REC114: variants seen among roughly 807,000 people sequenced by gnomAD.
REC114 encodes the protein REC114 meiotic recombination protein.
REC114 carries 27 observed loss-of-function variants against 31.3 expected under a neutral mutation model. That is an observed-to-expected ratio of 0.86 (90% CI 0.64 to 1.19). The LOEUF is 1.19. Ranked by LOEUF, REC114 falls within the 50% of genes most tolerant of loss-of-function variation. The pLI is 0.00. For synonymous variants in REC114, 134 were observed against 127.7 expected (o/e 1.05, Z -0.33); for missense variants, 344 against 326.9 (o/e 1.05, Z -0.40).
At chr15:73,501,032 TG>T (rs1475402952) in intron 2 of REC114, among the ~76,000 whole-genome samples, 2 of 152,128 alleles carry the variant, frequency 1.3e-5, no homozygotes, top group Non-Finnish European at 2.9e-5. Context: ...TCAAAGGCCT[TG>T]TTTGGGAAGG....
intron 2 of REC114, among the ~76,000 whole-genome samples, chr15:73,510,889 T>C (rs1893754397): frequency 6.6e-6 from 1 of 152,198 alleles, no homozygotes. Flanking sequence ...ATCAAAGATA[T>C]TGGTCTAAAA....
chr15:73,558,085 T>G (rs1894498016), intron 5 of REC114, among the ~76,000 whole-genome samples: 1 of 152,122 alleles, frequency 6.6e-6, no homozygotes, highest in Non-Finnish European at 1.5e-5. Flanking sequence ...ACACCTGTAG[T>G]CCCAAGCACT....
intron 2 of REC114, among the ~76,000 whole-genome samples, chr15:73,538,622 A>C (rs1410330174): frequency 6.6e-6 from 1 of 151,646 alleles, no homozygotes; most frequent in African/African-American, 2.4e-5. Context: ...GCACCCAGCT[A>C]ATTTTTTGTA....
chr15:73,510,136 TCTC>T (rs1277685312), intron 2 of REC114, among the ~76,000 whole-genome samples: 3 of 152,050 alleles, frequency 2.0e-5, no homozygotes. Flanking sequence ...GGTTTGTAGT[TCTC>T]CTTGAAGAGG....
intron 3 of REC114, among the ~76,000 whole-genome samples, chr15:73,544,803 G>GA (rs1020512835): frequency 2.0e-5 from 3 of 152,314 alleles, no homozygotes; most frequent in African/African-American, 7.2e-5. Context: ...TATAGTAGAG[G>GA]AATTCACAAT....
chr15:73,467,997 CTCTT>C (rs1349453605), intron 1 of REC114, among the ~76,000 whole-genome samples: 2 of 152,068 alleles, frequency 1.3e-5, no homozygotes, highest in African/African-American at 2.4e-5. Flanking sequence ...TTCCTTCTGA[CTCTT>C]TCTGCCTCCC....
intron 2 of REC114, among the ~76,000 whole-genome samples, chr15:73,528,365 A>G (rs1894033502): frequency 6.6e-6 from 1 of 152,230 alleles, no homozygotes; most frequent in Non-Finnish European, 1.5e-5. Flanking sequence ...TGTACCTACT[A>G]TGGAATCGAA....
chr15:73,460,823 C>G (rs1892979646), intron 1 of REC114, among the ~76,000 whole-genome samples: 1 of 152,092 alleles, frequency 6.6e-6, no homozygotes, highest in African/African-American at 2.4e-5. Flanking sequence ...GGAACTTATT[C>G]TTCTGTTACA....
At chr15:73,540,344 A>T (rs536585595) in intron 2 of REC114, 141 bp from the exon 3 acceptor site, 2 of 716,746 alleles carry the variant, frequency 2.8e-6, no homozygotes, top group East Asian at 5.0e-5. Flanking sequence ...ATCCTTGGCA[A>T]CTGGTTTTAT....
At position 73,477,365 on chromosome 15, in the gene REC114, A is replaced by G. The variant is rs1219839658; in HGVS notation, c.249+3444A>G. 2.6e-5 allele frequency among the ~76,000 whole-genome samples: 4 copies of G among 152,042 alleles called. No homozygotes were observed. The East Asian group carries it at 7.7e-4, about 29-fold the overall frequency. ...TTGAAGTTCAATATTTTTTTCTCTTATGGTTTATCCTTTTTGTATACTACT... is the reference window on the plus strand; with the variant it reads ...TTGAAGTTCAATATTTTTTTCTCTTGTGGTTTATCCTTTTTGTATACTACT... On this transcript the variant is annotated intron_variant, in intron 2 of 5. Coordinates refer to ENST00000331090, the MANE Select transcript of REC114 (RefSeq NM_001042367.2).
chr15:73,455,699 A>G (rs1490475784), intron 1 of REC114, among the ~76,000 whole-genome samples: 1 of 152,202 alleles, frequency 6.6e-6, no homozygotes, highest in East Asian at 1.9e-4. Context: ...GTTAAAAGAC[A>G]CTGTCTAGAG....
intron 1 of REC114, among the ~76,000 whole-genome samples, chr15:73,448,635 T>C (rs1474295151): frequency 6.6e-6 from 1 of 152,186 alleles, no homozygotes; most frequent in Non-Finnish European, 1.5e-5. Context: ...CCCAGCATAG[T>C]GTTCGAACTC....
At chr15:73,513,728 C>A (rs1172404612) in intron 2 of REC114, among the ~76,000 whole-genome samples, 1 of 151,964 alleles carries the variant, frequency 6.6e-6, no homozygotes, top group African/African-American at 2.4e-5. Context: ...TGTGCCCCTG[C>A]TGGGGGGTGC....
intron 2 of REC114, among the ~76,000 whole-genome samples, chr15:73,496,095 T>C (rs1893519080): frequency 6.6e-6 from 1 of 152,028 alleles, no homozygotes; most frequent in African/African-American, 2.4e-5. Flanking sequence ...GGCTCACGGC[T>C]GTAATCCCAG....
At chr15:73,445,795 A>G (rs1195851486) in intron 1 of REC114, among the ~76,000 whole-genome samples, 2 of 152,212 alleles carry the variant, frequency 1.3e-5, no homozygotes, top group African/African-American at 2.4e-5. Context: ...GCACTCCAGA[A>G]CAATTACAAT....
intron 1 of REC114, among the ~76,000 whole-genome samples, chr15:73,456,197 A>T (rs1892912975): frequency 6.6e-6 from 1 of 152,188 alleles, no homozygotes; most frequent in Admixed American, 6.5e-5. Flanking sequence ...TTATGTCTGA[A>T]TATAATTTAG....
intron 3 of REC114, among the ~76,000 whole-genome samples, chr15:73,542,574 C>CAGA (rs1244519228): frequency 6.6e-6 from 1 of 152,132 alleles, no homozygotes; most frequent in Non-Finnish European, 1.5e-5. Flanking sequence ...CCACAACCCC[C>CAGA]AGAAGATGCC....
At chr15:73,503,835 C>A (rs1161543759) in intron 2 of REC114, among the ~76,000 whole-genome samples, 1 of 151,862 alleles carries the variant, frequency 6.6e-6, no homozygotes, top group Admixed American at 6.6e-5. Context: ...AATACCAGTC[C>A]TTTGCCAATT....
chr15:73,466,387 T>A (rs1272368438), intron 1 of REC114, among the ~76,000 whole-genome samples: 2 of 151,890 alleles, frequency 1.3e-5, no homozygotes, highest in Non-Finnish European at 2.9e-5. Context: ...ACCCCATCTC[T>A]ACCAAAAATA....
Sources: gnomAD v4.1 joint callset for allele counts (sites outside exome capture counted in the v4.1 genomes callset) on GRCh38, gnomAD v4.1.1 for gene constraint, MANE v1.5 for transcripts, NCBI Gene and HGNC (gene_info 2026-07-23, HGNC 2026-07-21) for gene names.